The following RRP12 variants were observed in gnomAD, a reference collection of about 807,000 sequenced individuals.
The protein encoded by RRP12 is RRP12-like protein.
RRP12 carries 78 observed loss-of-function variants against 157.3 expected under a neutral mutation model. The ratio of observed to expected loss-of-function variants is 0.50; its 90% CI spans 0.41 to 0.60. The LOEUF is 0.60. Ranked by LOEUF, RRP12 falls within the 20% of genes least tolerant of loss-of-function variation. RRP12 has a pLI of 0.00. For missense variants in RRP12, 1,521 were observed against 1,679.9 expected, an observed-to-expected ratio of 0.91 and a Z score of 1.65; for synonymous variants, 726 against 670.9, an observed-to-expected ratio of 1.08 and a Z score of -1.27.
chr10:97,381,885 AG>A (rs1190840844), intron 10 of RRP12, 59 bp from the exon 11 acceptor site: 3 of 1,237,114 alleles, frequency 2.4e-6, no homozygotes, highest in African/African-American at 1.5e-5. Context: ...CCGGGCAACC[AG>A]GGCTCAGGGC....
intron 21 of RRP12, 29 bp downstream of exon 21, chr10:97,370,894 G>A (rs1439609000): frequency 6.2e-6 from 10 of 1,612,848 alleles, no homozygotes; most frequent in Admixed American, 1.7e-5. Context: ...AGGCTCCCTC[G>A]GCAGAGCGGG....
At chr10:97,371,861 G>C in intron 20 of RRP12, 2 of 505,468 alleles carry the variant, frequency 4.0e-6, no homozygotes, top group Non-Finnish European at 7.2e-6. Flanking sequence ...AGCACGCAAG[G>C]CCTAAGCACA....
At position 97,388,361 on chromosome 10, in the gene RRP12, G is replaced by A. The variant is rs761712728; in HGVS notation, c.908C>T (p.Thr303Ile). 3.7e-6 allele frequency: 6 copies of A among 1,613,940 alleles called. No homozygotes were observed. The highest frequency in any genetic ancestry group is 5.1e-6 in the Non-Finnish European group (6 of 1,180,008). The change falls in exon 8 of 34, where the codon ACC (threonine) becomes ATC (isoleucine). Residue 303 changes from threonine to isoleucine, a missense_variant. Physicochemically the swap from Thr to Ile is moderately conservative, Grantham distance 89. Coordinates refer to ENST00000370992, the MANE Select transcript of RRP12 (RefSeq NM_015179.4). The part of the protein sequence containing the change: ...EKSGGSKEAT[T>I]TLHMLTLLKD... ...CAGCAGCGTCAGCATGTGCAGCGTG[G>A]TGGTGGCCTCCTTGGAGCCTGGTAT... is the stretch of plus-strand genomic sequence containing the variant.
intron 9 of RRP12, among the ~76,000 whole-genome samples, chr10:97,385,641 C>T (rs1473881219): frequency 1.3e-5 from 2 of 152,196 alleles, no homozygotes; most frequent in African/African-American, 2.4e-5. Context: ...TCTATGAGCA[C>T]CACGAGACCA....
chr10:97,369,623 C>T, intron 24 of RRP12, 41 bp from the exon 25 acceptor site: 1 of 1,535,306 alleles, frequency 6.5e-7, no homozygotes, highest in South Asian at 1.2e-5. Context: ...CACCCAGGAC[C>T]CCACTCAGAC....
chr10:97,369,316 T>C (rs1589416832), intron 25 of RRP12, 109 bp downstream of exon 25: 1 of 1,191,148 alleles, frequency 8.4e-7, no homozygotes, highest in Non-Finnish European at 1.2e-6. Flanking sequence ...TAATGACCTC[T>C]GGCTACAAAA....
In RRP12 at chr10:97,381,475, C is replaced by T. The variant is rs576343933; in HGVS notation, c.1329G>A (p.Leu443=). 13 of 1,611,266 alleles carry T rather than the reference C, an allele frequency of 8.1e-6. No homozygotes were observed. In the South Asian group the frequency reaches 9.9e-5, roughly 12 times the overall value. The change falls in exon 12 of 34, where the codon CTG becomes CTA. Residue 443 remains leucine, a synonymous_variant. Transcript: ENST00000370992. ...TAATQSLKEI[L]KECVAPHMAD... is the part of the protein sequence containing the mutation. ...CCATGTGGGGAGCCACGCATTCCTT[C>T]AGGATCTCCTGCGAAGAGAGGCCAC...
chr10:97,361,424 C>T (rs1843839366), intron 30 of RRP12, among the ~76,000 whole-genome samples: 1 of 152,196 alleles, frequency 6.6e-6, no homozygotes, highest in African/African-American at 2.4e-5. Context: ...AAGGCTGGTC[C>T]CTGCACTGTG....
At position 97,401,083 on chromosome 10, in the gene RRP12, A is replaced by C. The variant is rs1187905678; in HGVS notation, c.139+10T>G. 6.2e-7 allele frequency: 1 copy of C among 1,612,468 alleles called. No homozygotes were observed. Among genetic ancestry groups the C allele is most frequent in the African/African-American group, 1.3e-5 (1 of 74,896 alleles). ...CGCCCCCGGCTGCGCTCGGGTCTCA[A>C]CCCAGCTACCTGACGGCCGGCTGAA... is the stretch of plus-strand genomic sequence containing the variant. On this transcript the variant is annotated intron_variant, in intron 1 of 33. Transcript: ENST00000370992.
At chr10:97,393,810 A>G (rs756622571) in intron 3 of RRP12, 50 bp from the exon 4 acceptor site, 1 of 1,490,890 alleles carries the variant, frequency 6.7e-7, no homozygotes, top group Non-Finnish European at 9.3e-7. Flanking sequence ...TACACTGAGC[A>G]AACAGGAAAG....
chr10:97,400,206 C>G (rs9888117), intron 2 of RRP12, 99 bp downstream of exon 2: 283,567 of 848,326 alleles, frequency 0.33, 49,011 homozygotes, highest in African/African-American at 0.49. Flanking sequence ...TCCAGAAATA[C>G]CAGCTGTTGT....
intron 14 of RRP12, 54 bp downstream of exon 14, chr10:97,379,574 A>T: frequency 6.2e-7 from 1 of 1,604,248 alleles, no homozygotes; most frequent in South Asian, 1.1e-5. Flanking sequence ...CATCCTTTCC[A>T]GGGGAGAGAA....
intron 19 of RRP12, 105 bp from the exon 20 acceptor site, chr10:97,372,271 G>T: frequency 2.6e-6 from 2 of 764,106 alleles, no homozygotes; most frequent in Non-Finnish European, 4.3e-6. Context: ...AGAAGTCAGG[G>T]TGAGGACAAG....
In RRP12 at chr10:97,380,832, C is replaced by G. The variant is rs537742721; in HGVS notation, c.1500G>C (p.Ala500=). 2 of 1,613,932 alleles carry G rather than the reference C, an allele frequency of 1.2e-6. No individual in the cohort carries two copies. The highest frequency in any genetic ancestry group is 2.7e-5 in the African/African-American group (2 of 74,928). Residue 500 remains alanine (A), a synonymous_variant, in exon 13 of 34, where the codon GCG becomes GCC. Transcript: ENST00000370992. ...TCACAGGGTGGGCCTGTCTCCCACA[C>G]GCCTCGAAGAAGACACACAGCAGCT... The part of the protein sequence containing the change: ...VLQLLCVFFE[A]CGRQAHPVMR...
At chr10:97,361,168 C>G (rs7924254) in intron 30 of RRP12, among the ~76,000 whole-genome samples, 1 of 152,106 alleles carries the variant, frequency 6.6e-6, no homozygotes, top group Non-Finnish European at 1.5e-5. Context: ...CACTGATCCT[C>G]AACAATGCTA....
chr10:97,377,364 A>T (rs774785092), intron 15 of RRP12, among the ~76,000 whole-genome samples: 1 of 151,502 alleles, frequency 6.6e-6, no homozygotes, highest in Non-Finnish European at 1.5e-5. Flanking sequence ...TAAAAATACA[A>T]GAAATTTTTA....
chr10:97,371,190 C>T (rs1487397546), intron 20 of RRP12, 109 bp from the exon 21 acceptor site: 5 of 1,170,614 alleles, frequency 4.3e-6, no homozygotes, highest in South Asian at 3.0e-5. Context: ...TCCGTGGGGG[C>T]TCATGTGGCT....
At chr10:97,365,884 C>A (rs186476815) in intron 29 of RRP12, 3 of 578,214 alleles carry the variant, frequency 5.2e-6, no homozygotes, top group Non-Finnish European at 9.1e-6. Flanking sequence ...GTACCATTTC[C>A]GATAGTTTCC....
At chr10:97,390,359 G>A in intron 6 of RRP12, 64 bp downstream of exon 6, 1 of 1,266,816 alleles carries the variant, frequency 7.9e-7, no homozygotes, top group Non-Finnish European at 1.2e-6. Flanking sequence ...GCCAAGTCTG[G>A]GCTGCACTGG....
Sources: allele counts gnomAD v4.1 joint callset (sites outside exome capture counted in the v4.1 genomes callset), GRCh38; gene constraint gnomAD v4.1.1; transcripts MANE v1.5; gene names NCBI Gene and HGNC (gene_info 2026-07-23, HGNC 2026-07-21).